TOP6BL: variants seen among roughly 807,000 people sequenced by gnomAD.
TOP6BL encodes the protein TOP6B like initiator of meiotic double strand breaks.
At chr11:66,798,597 CAAAA>C in the TOP6BL span, among the ~76,000 whole-genome samples, 28 of 43,236 alleles carry the variant, frequency 6.5e-4, no homozygotes, top group Middle Eastern at 0.014. Context: ...GACTCTGTCT[CAAAA>C]AAAAAAAAAA....
chr11:66,779,852 C>T, the TOP6BL span, among the ~76,000 whole-genome samples: 11 of 152,186 alleles, frequency 7.2e-5, no homozygotes, highest in African/African-American at 2.2e-4. Context: ...GAGTTCATGT[C>T]GTTTGTAGGG....
At chr11:66,838,446 G>GT in the TOP6BL span, 1 of 1,613,550 alleles carries the variant, frequency 6.2e-7, no homozygotes, top group South Asian at 1.1e-5. Flanking sequence ...CTCCTAGCAG[G>GT]TAAGGTTTTA....
At chr11:66,842,877 G>C in the TOP6BL span, 62 of 1,574,690 alleles carry the variant, frequency 3.9e-5, no homozygotes, top group South Asian at 7.1e-4. Context: ...AAAACAAGAG[G>C]CTCAAGAGGG....
chr11:66,759,198 A>G, the TOP6BL span: 1 of 772,638 alleles, frequency 1.3e-6, no homozygotes, highest in Non-Finnish European at 2.0e-6. Context: ...TGACAGATTT[A>G]TAAATAAAAA....
At chr11:66,827,858 G>A in the TOP6BL span, among the ~76,000 whole-genome samples, 3 of 151,266 alleles carry the variant, frequency 2.0e-5, no homozygotes, top group Admixed American at 6.6e-5. Context: ...CCAGCTACTC[G>A]GGAGGCTGAA....
chr11:66,809,778 A>T, the TOP6BL span, among the ~76,000 whole-genome samples: 1 of 152,192 alleles, frequency 6.6e-6, no homozygotes, highest in Non-Finnish European at 1.5e-5. Context: ...ATCATAGCTC[A>T]CTGCAACCTC....
chr11:66,762,161 A>C, the TOP6BL span: 1 of 818,340 alleles, frequency 1.2e-6, no homozygotes, highest in East Asian at 2.5e-5. Flanking sequence ...ATCACTCAGG[A>C]AATCAATCAA....
chr11:66,758,854 T>C, the TOP6BL span, among the ~76,000 whole-genome samples: 1 of 152,194 alleles, frequency 6.6e-6, no homozygotes, highest in African/African-American at 2.4e-5. Flanking sequence ...TAAGAAGTTA[T>C]TTTTCCTCAA....
At chr11:66,760,665 A>C in the TOP6BL span, among the ~76,000 whole-genome samples, 1 of 146,416 alleles carries the variant, frequency 6.8e-6, no homozygotes, top group Non-Finnish European at 1.5e-5. Context: ...TTAGCCAGGG[A>C]AGGTGGTGCA....
chr11:66,768,062 G>T, the TOP6BL span, among the ~76,000 whole-genome samples: 2 of 152,128 alleles, frequency 1.3e-5, no homozygotes. Context: ...AAAGTGTAAG[G>T]ATTACAAGTG....
the TOP6BL span, among the ~76,000 whole-genome samples, chr11:66,842,282 T>G: frequency 6.6e-6 from 1 of 152,236 alleles, no homozygotes; most frequent in African/African-American, 2.4e-5. Context: ...TCCTTCTCTA[T>G]TCTAACCCTG....
chr11:66,746,632 T>G, the TOP6BL span, among the ~76,000 whole-genome samples: 1 of 152,012 alleles, frequency 6.6e-6, no homozygotes, highest in Non-Finnish European at 1.5e-5. Context: ...GAGAATCGCT[T>G]GAACCCAGGG....
At chr11:66,770,207 G>T in the TOP6BL span, among the ~76,000 whole-genome samples, 4 of 152,138 alleles carry the variant, frequency 2.6e-5, no homozygotes, top group Admixed American at 6.5e-5. Context: ...AAATCAACTG[G>T]CACCTTGATC....
At chr11:66,822,553 A>T in the TOP6BL span, 1 of 1,515,868 alleles carries the variant, frequency 6.6e-7, no homozygotes, top group Non-Finnish European at 9.0e-7. Flanking sequence ...CTTACTTGTT[A>T]TGTTCCCCAG....
the TOP6BL span, chr11:66,843,067 G>C: frequency 1.3e-6 from 2 of 1,574,032 alleles, no homozygotes; most frequent in Admixed American, 1.9e-5. Flanking sequence ...AAGCCGCCTG[G>C]AGGTAACTGG....
the TOP6BL span, chr11:66,842,982 C>T: frequency 1.3e-6 from 2 of 1,550,004 alleles, no homozygotes; most frequent in African/African-American, 1.4e-5. Flanking sequence ...CCACCGCGGC[C>T]CCCCTCACTC....
the TOP6BL span, chr11:66,762,387 G>T: frequency 2.8e-6 from 1 of 363,116 alleles, no homozygotes. Context: ...ACTCAGCGCA[G>T]CAGTGGCAGC....
the TOP6BL span, among the ~76,000 whole-genome samples, chr11:66,749,625 C>T: frequency 2.6e-5 from 4 of 151,954 alleles, no homozygotes; most frequent in Admixed American, 2.6e-4. Context: ...GCTGGAGTGG[C>T]GCAATCTGGG....
At chr11:66,834,123 C>G in the TOP6BL span, among the ~76,000 whole-genome samples, 1 of 152,116 alleles carries the variant, frequency 6.6e-6, no homozygotes, top group Non-Finnish European at 1.5e-5. Flanking sequence ...TAATCTGTGC[C>G]GAGATTTTCA....
Sources: allele counts gnomAD v4.1 joint callset (sites outside exome capture counted in the v4.1 genomes callset), GRCh38; gene constraint gnomAD v4.1.1; transcripts MANE v1.5; gene names NCBI Gene and HGNC (gene_info 2026-07-23, HGNC 2026-07-21).